ELP3: variants seen among roughly 807,000 people sequenced by gnomAD.
The protein encoded by ELP3 is elongator acetyltransferase complex subunit 3, also known as elongator complex protein 3.
A neutral mutation model predicts 74.9 loss-of-function variants in ELP3; 56 were observed. The observed-to-expected ratio is 0.75, with a 90% confidence interval of 0.60 to 0.93. The LOEUF is 0.93. Ranked by LOEUF, ELP3 falls within the 40% of genes least tolerant of loss-of-function variation. The pLI, the probability that ELP3 is intolerant of heterozygous loss-of-function variation, is 0.00. For missense variants in ELP3, 573 were observed against 686.5 expected (o/e 0.83, Z 1.85); for synonymous variants, 222 against 239.8 (o/e 0.93, Z 0.68).
chr8:28,140,114 T>TTTTG (rs1554500669), intron 10 of ELP3, among the ~76,000 whole-genome samples: 1 of 143,692 alleles, frequency 7.0e-6, no homozygotes, highest in Non-Finnish European at 1.5e-5. Context: ...TGTACATATT[T>TTTTG]TGTGTGTGTG....
intron 7 of ELP3, among the ~76,000 whole-genome samples, chr8:28,123,031 G>A (rs1047641410): frequency 6.6e-6 from 1 of 152,226 alleles, no homozygotes; most frequent in African/African-American, 2.4e-5. Flanking sequence ...AGCTGAGGCA[G>A]GAGAATCGCT....
intron 14 of ELP3, among the ~76,000 whole-genome samples, chr8:28,168,572 C>G (rs1271097019): frequency 6.6e-6 from 1 of 152,194 alleles, no homozygotes; most frequent in Non-Finnish European, 1.5e-5. Context: ...CCTGAAAGGT[C>G]TGGAAGCTTT....
At chr8:28,167,333 T>A (rs1814345742) in intron 14 of ELP3, among the ~76,000 whole-genome samples, 2 of 152,216 alleles carry the variant, frequency 1.3e-5, no homozygotes, top group Non-Finnish European at 2.9e-5. Context: ...CCAGAACCAC[T>A]GATTAATAAA....
chr8:28,105,905 G>A (rs961063424), intron 3 of ELP3, among the ~76,000 whole-genome samples: 1 of 152,170 alleles, frequency 6.6e-6, no homozygotes, highest in Admixed American at 6.5e-5. Flanking sequence ...ACCCCTCTGA[G>A]GTTATTTACA....
intron 10 of ELP3, among the ~76,000 whole-genome samples, chr8:28,138,677 G>A (rs1813094533): frequency 6.6e-6 from 1 of 152,190 alleles, no homozygotes; most frequent in Non-Finnish European, 1.5e-5. Flanking sequence ...GAAACTGTGT[G>A]ACTGATCATG....
Position 28,170,637 on chromosome 8 carries a change from T to C in ELP3, c.1567+8559T>C, listed in dbSNP as rs114794133. 3.2e-3 allele frequency among the ~76,000 whole-genome samples: 484 copies of C among 152,294 alleles called. 3 individuals carry two copies. Among genetic ancestry groups the C allele is most frequent in the African/African-American group, 0.011 (457 of 41,560 alleles). ...GGATACATGGTTTCCCTCTGGAGCT[T>C]TCCTACCCTTAAATACTTATTTTCC... On this transcript the variant is annotated intron_variant, in intron 14 of 14. Coordinates refer to ENST00000256398, the MANE Select transcript of ELP3 (RefSeq NM_018091.6).
In ELP3 at chr8:28,110,399, A is replaced by G; in HGVS notation, c.423A>G (p.Arg141=). 1 of 1,613,948 alleles carries G rather than the reference A, an allele frequency of 6.2e-7. No individual in the cohort carries two copies. The highest frequency in any genetic ancestry group is 8.5e-7 in the Non-Finnish European group (1 of 1,179,948). Residue 141 remains arginine, a synonymous_variant, in exon 6 of 15, where the codon AGA becomes AGG. Coordinates refer to ENST00000256398, the MANE Select transcript of ELP3 (RefSeq NM_018091.6). The part of the protein sequence containing the change: ...EPTSMRAIRA[R]YDPFLQTRHR... ...CCTCCATGAGAGCTATCCGTGCCAG[A>G]TATGACCCTTTCCTACAGACAAGAC...
intron 14 of ELP3, among the ~76,000 whole-genome samples, chr8:28,179,638 C>T (rs1814918142): frequency 6.6e-6 from 1 of 152,154 alleles, no homozygotes; most frequent in South Asian, 2.1e-4. Context: ...AGCTTATTTT[C>T]CTGCAACTCA....
intron 4 of ELP3, 57 bp from the exon 5 acceptor site, chr8:28,107,856 T>C (rs1811757647): frequency 2.9e-6 from 4 of 1,390,706 alleles, no homozygotes; most frequent in Non-Finnish European, 4.1e-6. Context: ...TGCTTGGAAC[T>C]AGCTGATTGA....
At chr8:28,103,179 A>G (rs548186497) in intron 3 of ELP3, among the ~76,000 whole-genome samples, 2 of 150,874 alleles carry the variant, frequency 1.3e-5, no homozygotes, top group East Asian at 3.9e-4. Context: ...CAAAAAAACA[A>G]ACAAACAAAC....
intron 9 of ELP3, among the ~76,000 whole-genome samples, chr8:28,137,142 C>T (rs1489368475): frequency 6.6e-6 from 1 of 152,284 alleles, no homozygotes; most frequent in East Asian, 1.9e-4. Flanking sequence ...GCTAGATGAT[C>T]TCTGTCACAA....
At chr8:28,137,128 G>A (rs1813020252) in intron 9 of ELP3, among the ~76,000 whole-genome samples, 1 of 152,158 alleles carries the variant, frequency 6.6e-6, no homozygotes, top group African/African-American at 2.4e-5. Context: ...TTTAAATTTT[G>A]TAAGCTAGAT....
At chr8:28,119,524 T>C (rs1486202515) in intron 7 of ELP3, among the ~76,000 whole-genome samples, 1 of 143,748 alleles carries the variant, frequency 7.0e-6, no homozygotes, top group Non-Finnish European at 1.5e-5. Context: ...CTGCAGTGTT[T>C]TTCTTTTGAA....
In ELP3 at chr8:28,119,549, A is replaced by G. The variant is rs1037394458; in HGVS notation, c.617+6376A>G. Among the ~76,000 whole-genome samples the G allele has an allele frequency of 5.7e-5, 8 of 139,294 alleles. No individual in the cohort carries two copies. In the South Asian group the frequency reaches 6.9e-4, roughly 12 times the overall value. 91.4% of individuals were successfully genotyped at this position (139,294 alleles called of 152,430 possible). On this transcript the variant is annotated intron_variant, in intron 7 of 14. Coordinates refer to ENST00000256398, the MANE Select transcript of ELP3 (RefSeq NM_018091.6). ...TTTCTTTTGAAGTAAATTTACATAC[A>G]GTACAAAACAACTTGTGGCGTTTTA...
At chr8:28,133,122 C>A (rs2130466847) in intron 9 of ELP3, among the ~76,000 whole-genome samples, 1 of 152,126 alleles carries the variant, frequency 6.6e-6, no homozygotes, top group Admixed American at 6.5e-5. Flanking sequence ...CACATATGTA[C>A]ATATATTTTA....
intron 10 of ELP3, among the ~76,000 whole-genome samples, chr8:28,149,382 G>A (rs567402841): frequency 1.1e-3 from 173 of 152,332 alleles, no homozygotes; most frequent in Admixed American, 2.6e-3. Flanking sequence ...TTCAGATTGA[G>A]TATTTCTTCT....
chr8:28,150,887 T>C (rs920216276), intron 10 of ELP3, among the ~76,000 whole-genome samples: 2 of 152,196 alleles, frequency 1.3e-5, no homozygotes, highest in African/African-American at 4.8e-5. Flanking sequence ...GGTCTCACTC[T>C]TACCCAAGCC....
At position 28,122,110 on chromosome 8, in the gene ELP3, AT is replaced by A. The variant is rs376006002; in HGVS notation, c.618-7383del. Reference sequence around the variant, plus strand: ...TTATTTGGTAATATGGATCATTTTGATTTTTTTTTAACATTAAACCTCACAT... The same window carrying A: ...TTATTTGGTAATATGGATCATTTTGATTTTTTTTAACATTAAACCTCACAT... On this transcript the variant is annotated intron_variant, in intron 7 of 14. Transcript: ENST00000256398. Among the ~76,000 whole-genome samples the A allele has an allele frequency of 3.4e-3, 513 of 151,626 alleles. 1 individual carries two copies. The highest frequency in any genetic ancestry group is 0.017 in the East Asian group (89 of 5,174).
At chr8:28,129,317 A>G (rs1563262730) in intron 7 of ELP3, 185 bp from the exon 8 acceptor site, 1 of 599,320 alleles carries the variant, frequency 1.7e-6, no homozygotes, top group East Asian at 2.8e-5. Context: ...ACAGAGGTTA[A>G]TAGCATCCCC....
Sources: allele counts gnomAD v4.1 joint callset (sites outside exome capture counted in the v4.1 genomes callset), GRCh38; gene constraint gnomAD v4.1.1; transcripts MANE v1.5; gene names NCBI Gene and HGNC (gene_info 2026-07-23, HGNC 2026-07-21).